The following LRRTM4 variants were observed in gnomAD, a reference collection of about 807,000 sequenced individuals.
The protein encoded by LRRTM4 is leucine-rich repeat transmembrane neuronal protein 4.
A neutral mutation model predicts 47.6 loss-of-function variants in LRRTM4; 25 were observed. The ratio of observed to expected loss-of-function variants is 0.53; its 90% CI spans 0.38 to 0.73. The LOEUF is 0.73. Ranked by LOEUF, LRRTM4 falls within the 30% of genes least tolerant of loss-of-function variation. The pLI is 0.00. For synonymous variants in LRRTM4, 311 were observed against 269.5 expected (o/e 1.15, Z -1.51); for missense variants, 638 against 713.4 (o/e 0.89, Z 1.20).
chr2:77,285,588 A>C (rs1015521938), intron 3 of LRRTM4, among the ~76,000 whole-genome samples: 3 of 151,664 alleles, frequency 2.0e-5, no homozygotes, highest in African/African-American at 7.3e-5. Flanking sequence ...CCCAAAATAC[A>C]AAAATTAGCC....
intron 3 of LRRTM4, among the ~76,000 whole-genome samples, chr2:77,253,655 A>T (rs997401734): frequency 6.6e-6 from 1 of 152,144 alleles, no homozygotes; most frequent in East Asian, 1.9e-4. Flanking sequence ...GAAGCATTTT[A>T]AATTGTCCAA....
intron 3 of LRRTM4, among the ~76,000 whole-genome samples, chr2:77,217,990 A>C (rs1003119802): frequency 2.6e-5 from 4 of 151,676 alleles, no homozygotes; most frequent in African/African-American, 9.7e-5. Flanking sequence ...ATTTTTTTTT[A>C]TTTTATTTTT....
At position 77,103,647 on chromosome 2, in the gene LRRTM4, G is replaced by GTGTATATATATA. The variant is rs1553389655; in HGVS notation, c.1552-354732_1552-354731insTATATATATACA. 2.4e-5 allele frequency among the ~76,000 whole-genome samples: 3 copies of GTGTATATATATA among 124,118 alleles called. No individual in the cohort carries two copies. In the Admixed American group the frequency reaches 2.5e-4, roughly 10 times the overall value. The allele number at this position is 124,118 out of a possible 152,430, so 81.4% of individuals were successfully genotyped here. ...TCAGGAGAGTGTTATATACATGAGTGTATATATATATATATAGATATATAT... is the reference window on the plus strand; with the variant it reads ...TCAGGAGAGTGTTATATACATGAGTGTGTATATATATATATATATATATATATAGATATATAT... On this transcript the variant is annotated intron_variant, in intron 3 of 3. Transcript: ENST00000409884.
At chr2:76,814,505 TA>T (rs955471409) in intron 3 of LRRTM4, among the ~76,000 whole-genome samples, 2 of 151,664 alleles carry the variant, frequency 1.3e-5, no homozygotes, top group Non-Finnish European at 2.9e-5. Context: ...TCAAAAATAT[TA>T]AAAAAATAAA....
intron 3 of LRRTM4, among the ~76,000 whole-genome samples, chr2:76,826,700 G>A (rs1433192366): frequency 6.6e-6 from 1 of 151,750 alleles, no homozygotes; most frequent in East Asian, 1.9e-4. Flanking sequence ...GGTTTGGTCA[G>A]CCATAAAAGC....
intron 3 of LRRTM4, among the ~76,000 whole-genome samples, chr2:77,329,548 GA>G (rs1304679057): frequency 6.6e-6 from 1 of 152,052 alleles, no homozygotes; most frequent in Admixed American, 6.6e-5. Context: ...TAAATACTAA[GA>G]AAAAAATAAA....
intron 3 of LRRTM4, chr2:77,009,710 A>G (rs1677797198): frequency 6.6e-6 from 1 of 151,914 alleles, no homozygotes; most frequent in Non-Finnish European, 1.5e-5. Context: ...AGTCACCTTC[A>G]CCTCCATAAT....
chr2:77,036,462 T>G (rs893379651), intron 3 of LRRTM4, among the ~76,000 whole-genome samples: 6 of 151,676 alleles, frequency 4.0e-5, no homozygotes, highest in Admixed American at 2.0e-4. Context: ...TGCTCAGATA[T>G]CTCATCCTTT....
intron 3 of LRRTM4, among the ~76,000 whole-genome samples, chr2:77,073,195 A>T (rs1377934753): frequency 6.6e-6 from 1 of 151,520 alleles, no homozygotes; most frequent in East Asian, 1.9e-4. Flanking sequence ...TTTCCCTAGT[A>T]TGTTATAGTT....
intron 3 of LRRTM4, among the ~76,000 whole-genome samples, chr2:77,030,032 A>C (rs1169625325): frequency 6.6e-6 from 1 of 152,262 alleles, no homozygotes; most frequent in Non-Finnish European, 1.5e-5. Flanking sequence ...ATTATGATTT[A>C]AACTTCTTTT....
At chr2:77,139,019 T>A (rs1000015034) in intron 3 of LRRTM4, among the ~76,000 whole-genome samples, 20 of 152,126 alleles carry the variant, frequency 1.3e-4, no homozygotes, top group Non-Finnish European at 2.6e-4. Context: ...GCCAGATGGA[T>A]TCACAGACAA....
chr2:76,978,921 A>G (rs1026582595), intron 3 of LRRTM4, among the ~76,000 whole-genome samples: 5 of 152,000 alleles, frequency 3.3e-5, no homozygotes, highest in African/African-American at 7.2e-5. Flanking sequence ...TGCAGAAGCT[A>G]TTTTCATGTA....
rs191721875 is a variant in LRRTM4 at position 76,935,988 on chromosome 2, G to A, written c.1552-187072C>T. Reference sequence around the variant, plus strand: ...TATTGGCTATGAGTTTACACTGTTGGTGGAAGTGTAAATTAGTTCAACCAT... The same window carrying A: ...TATTGGCTATGAGTTTACACTGTTGATGGAAGTGTAAATTAGTTCAACCAT... On this transcript the variant is annotated intron_variant, in intron 3 of 3. Coordinates refer to ENST00000409884, the MANE Select transcript of LRRTM4 (RefSeq NM_001134745.3). Among the ~76,000 whole-genome samples, 25 of 152,270 alleles carry A rather than the reference G, an allele frequency of 1.6e-4. No homozygotes were observed. The East Asian group carries it at 4.8e-3, about 29-fold the overall frequency.
At chr2:77,154,979 C>G (rs932943587) in intron 3 of LRRTM4, among the ~76,000 whole-genome samples, 19 of 152,224 alleles carry the variant, frequency 1.2e-4, no homozygotes, top group Non-Finnish European at 2.6e-4. Flanking sequence ...TGTACCGGCC[C>G]TTGCACTACT....
At chr2:77,084,539 G>C (rs1019925682) in intron 3 of LRRTM4, among the ~76,000 whole-genome samples, 2 of 152,186 alleles carry the variant, frequency 1.3e-5, no homozygotes, top group African/African-American at 4.8e-5. Flanking sequence ...TTTATGGTAA[G>C]TTGACTAGTT....
intron 3 of LRRTM4, among the ~76,000 whole-genome samples, chr2:77,128,070 G>A (rs772495256): frequency 1.3e-5 from 2 of 151,766 alleles, no homozygotes; most frequent in Non-Finnish European, 2.9e-5. Flanking sequence ...TTGAACCCAG[G>A]AGGCAGAGGT....
intron 3 of LRRTM4, among the ~76,000 whole-genome samples, chr2:76,991,506 C>A (rs1573414523): frequency 6.6e-6 from 1 of 151,670 alleles, no homozygotes; most frequent in Non-Finnish European, 1.5e-5. Flanking sequence ...TATGAACATA[C>A]CAATGCACAC....
At chr2:77,442,950 C>T (rs767174783) in intron 3 of LRRTM4, among the ~76,000 whole-genome samples, 3 of 152,176 alleles carry the variant, frequency 2.0e-5, no homozygotes, top group African/African-American at 2.4e-5. Flanking sequence ...AATCTGGGTA[C>T]ATCATTTTGT....
intron 3 of LRRTM4, among the ~76,000 whole-genome samples, chr2:77,164,997 A>G (rs528679877): frequency 1.3e-5 from 2 of 152,220 alleles, no homozygotes; most frequent in Admixed American, 6.5e-5. Context: ...GACACAAAAA[A>G]CCCTTCAAAA....
Sources: gnomAD v4.1 joint callset for allele counts (sites outside exome capture counted in the v4.1 genomes callset) on GRCh38, gnomAD v4.1.1 for gene constraint, MANE v1.5 for transcripts, NCBI Gene and HGNC (gene_info 2026-07-23, HGNC 2026-07-21) for gene names.